The following PUDP variants were observed in gnomAD, a reference collection of about 807,000 sequenced individuals.
The protein encoded by PUDP is pseudouridine-5'-phosphatase.
PUDP carries 8 observed loss-of-function variants against 9.4 expected under a neutral mutation model. The ratio of observed to expected loss-of-function variants is 0.85; its 90% CI spans 0.50 to 1.53. The LOEUF (loss-of-function observed/expected upper bound fraction) is 1.53. Ranked by LOEUF, PUDP falls within the 40% of genes most tolerant of loss-of-function variation. The probability of loss-of-function intolerance (pLI) is 0.00; values close to 1 mark genes in which losing one functional copy is unlikely to be tolerated. For missense variants in PUDP, 188 were observed against 189.7 expected, an observed-to-expected ratio of 0.99 and a Z score of 0.05; for synonymous variants, 99 against 80.7, an observed-to-expected ratio of 1.23 and a Z score of -1.22.
At chrX:6,900,542 GGAGAGGGA>G (rs1201668034) in intron 3 of PUDP, among the ~76,000 whole-genome samples, 1 of 107,756 alleles carries the variant, frequency 9.3e-6, no homozygotes, top group African/African-American at 3.4e-5. Context: ...AGAGGGAGAC[GGAGAGGGA>G]GAGAGGGAGA....
chrX:6,896,521 T>C (rs977891131), intron 3 of PUDP, among the ~76,000 whole-genome samples: 4 of 112,145 alleles, frequency 3.6e-5, no homozygotes, highest in Admixed American at 9.5e-5. Context: ...TGCTGGTGGA[T>C]GTCCTAGCTC....
intron 3 of PUDP, among the ~76,000 whole-genome samples, chrX:6,820,357 C>G (rs1271712865): frequency 9.0e-6 from 1 of 110,766 alleles, no homozygotes; most frequent in African/African-American, 3.3e-5. Context: ...CCAAATCTCA[C>G]GTCTTCACAT....
In PUDP at chrX:6,914,859, C is replaced by T. The variant is rs141779418; in HGVS notation, c.*247+62274G>A. Among the ~76,000 whole-genome samples the T allele has an allele frequency of 6.7e-3, 756 of 112,422 alleles. 2 individuals are homozygous for T. Among genetic ancestry groups the T allele is most frequent in the Non-Finnish European group, 0.011 (564 of 53,285 alleles). ...CTCACGTCGATATAAAGTGAACCAC[C>T]CTCTACAATTTGTTAACAATCTAGA... is the stretch of plus-strand genomic sequence containing the variant. On this transcript the variant is annotated intron_variant and NMD_transcript_variant, in intron 3 of 3. Coordinates refer to the PUDP transcript ENST00000655425.
At chrX:6,864,861 T>A (rs1927055207) in intron 3 of PUDP, among the ~76,000 whole-genome samples, 3 of 111,916 alleles carry the variant, frequency 2.7e-5, no homozygotes, top group Non-Finnish European at 5.6e-5. Flanking sequence ...CCAGTTAATC[T>A]CCCCAGTTTA....
Position 7,013,474 on chromosome X carries a change from T to G in PUDP, c.205-35131A>C, listed in dbSNP as rs1250619650. On this transcript the variant is annotated intron_variant and NMD_transcript_variant, in intron 1 of 3. Coordinates refer to the PUDP transcript ENST00000655425. ...AGCAAAGGTGGTAATTTGGGAATAC[T>G]GATTTGGGGAATCTCTTGTCATGGG... Among the ~76,000 whole-genome samples the G allele has an allele frequency of 2.7e-5, 3 of 112,594 alleles. No homozygotes were observed. In the East Asian group the frequency reaches 8.3e-4, roughly 31 times the overall value.
chrX:6,830,335 A>G (rs746864408), intron 3 of PUDP, among the ~76,000 whole-genome samples: 15 of 111,918 alleles, frequency 1.3e-4, no homozygotes, highest in Non-Finnish European at 2.4e-4. Flanking sequence ...ATAAAGGGAA[A>G]AAAAAATCCT....
At chrX:6,859,524 C>T (rs1395090290) in intron 3 of PUDP, among the ~76,000 whole-genome samples, 12 of 109,175 alleles carry the variant, frequency 1.1e-4, no homozygotes, top group Non-Finnish European at 2.1e-4. Context: ...AGGGCTTGTA[C>T]TGTGCTAAGA....
intron 3 of PUDP, among the ~76,000 whole-genome samples, chrX:6,824,961 G>A: frequency 8.9e-6 from 1 of 112,091 alleles, no homozygotes; most frequent in East Asian, 2.8e-4. Flanking sequence ...AGGGAGAGGT[G>A]ATCTTGGACT....
rs186141900 is a variant in PUDP at position 6,960,723 on chromosome X, C to T, written c.*247+16410G>A. On this transcript the variant is annotated intron_variant and NMD_transcript_variant, in intron 3 of 3. Transcript: ENST00000655425. ...ACACAGGTGTTGACAGCTACAAAAG[C>T]AAAAATGAAACATCAGGTCATGCAG... Among the ~76,000 whole-genome samples the T allele has an allele frequency of 1.5e-4, 17 of 111,822 alleles. No individual in the cohort carries two copies. In the Admixed American group the frequency reaches 1.6e-3, roughly 11 times the overall value.
chrX:6,944,340 C>G (rs1928436389), intron 3 of PUDP, among the ~76,000 whole-genome samples: 1 of 112,014 alleles, frequency 8.9e-6, no homozygotes, highest in Non-Finnish European at 1.9e-5. Flanking sequence ...AATTACACCT[C>G]TTTCCTTTAT....
At chrX:6,735,910 G>A (rs1438220345) in intron 3 of PUDP, among the ~76,000 whole-genome samples, 1 of 109,615 alleles carries the variant, frequency 9.1e-6, no homozygotes, top group Non-Finnish European at 1.9e-5. Flanking sequence ...AGGGTGGCAT[G>A]CACCTGTTTT....
At chrX:6,706,781 G>A (rs951286586) in intron 1 of PUDP, among the ~76,000 whole-genome samples, 2 of 111,558 alleles carry the variant, frequency 1.8e-5, no homozygotes, top group African/African-American at 6.5e-5. Flanking sequence ...TTCCCGACCA[G>A]GGGCAAGATG....
intron 3 of PUDP, among the ~76,000 whole-genome samples, chrX:6,822,232 C>T (rs1354293433): frequency 8.9e-6 from 1 of 111,929 alleles, no homozygotes; most frequent in East Asian, 2.8e-4. Flanking sequence ...CTAAGGCCTT[C>T]ATTCAAGAGG....
chrX:6,942,343 A>C (rs1309391050), intron 3 of PUDP, among the ~76,000 whole-genome samples: 3 of 112,117 alleles, frequency 2.7e-5, no homozygotes, highest in Non-Finnish European at 3.8e-5. Flanking sequence ...TAAAAGTAAC[A>C]ATTTGCTACA....
intron 3 of PUDP, among the ~76,000 whole-genome samples, chrX:6,902,921 G>C (rs999667382): frequency 9.0e-6 from 1 of 111,677 alleles, no homozygotes; most frequent in African/African-American, 3.3e-5. Context: ...AAAAGGAAAA[G>C]AGGAAATTCA....
chrX:6,860,065 G>A (rs1033457109), intron 3 of PUDP, among the ~76,000 whole-genome samples: 1 of 112,161 alleles, frequency 8.9e-6, no homozygotes, highest in Admixed American at 9.5e-5. Flanking sequence ...CTGAGGCACA[G>A]AATAAATAAT....
chrX:7,118,918 C>T (rs1000889799), intron 1 of PUDP, among the ~76,000 whole-genome samples: 1 of 111,873 alleles, frequency 8.9e-6, no homozygotes, highest in Non-Finnish European at 1.9e-5. Context: ...ACAGTCCTTA[C>T]AAGGTTAAAT....
At chrX:6,955,812 CATTA>C (rs1192901798) in intron 3 of PUDP, among the ~76,000 whole-genome samples, 1 of 110,695 alleles carries the variant, frequency 9.0e-6, no homozygotes, top group African/African-American at 3.3e-5. Flanking sequence ...AAACTCCATT[CATTA>C]ATTAAACTAC....
rs201311594 is a variant in PUDP at position 7,083,900 on chromosome X, C to CA, written c.281-6452dup. Among the ~76,000 whole-genome samples the CA allele has an allele frequency of 7.1e-3, 616 of 86,464 alleles. 3 individuals carry two copies. Among genetic ancestry groups the CA allele is most frequent in the Non-Finnish European group, 0.013 (530 of 42,292 alleles). The allele number at this position is 86,464 out of a possible 115,157, so 75.1% of individuals were successfully genotyped here. Reference sequence around the variant, plus strand: ...AGAAAGACTGTCTCAACAACAACAACAACAAAAAAAAAAAGAAGGAAAAAA... The same window carrying CA: ...AGAAAGACTGTCTCAACAACAACAACAAACAAAAAAAAAAAGAAGGAAAAAA... On this transcript the variant is annotated intron_variant, in intron 2 of 3. Transcript: ENST00000381077.
Sources: allele counts gnomAD v4.1 joint callset (sites outside exome capture counted in the v4.1 genomes callset), GRCh38; gene constraint gnomAD v4.1.1; transcripts MANE v1.5; gene names NCBI Gene and HGNC (gene_info 2026-07-23, HGNC 2026-07-21).